The following STX16 variants were observed in gnomAD, a reference collection of about 807,000 sequenced individuals.
STX16 encodes the protein syntaxin-16.
A neutral mutation model predicts 42.7 loss-of-function variants in STX16; 28 were observed. That is an observed-to-expected ratio of 0.66 (90% CI 0.49 to 0.90). STX16 has a LOEUF of 0.90. STX16 is among the 40% of genes least tolerant of loss of function. STX16 has a pLI of 0.00. For missense variants in STX16, 361 were observed against 420.9 expected, an observed-to-expected ratio of 0.86 and a Z score of 1.24; for synonymous variants, 156 against 155.2, an observed-to-expected ratio of 1.00 and a Z score of -0.04.
intron 1 of STX16, among the ~76,000 whole-genome samples, chr20:58,653,768 T>G (rs970432875): frequency 1.3e-5 from 2 of 152,142 alleles, no homozygotes; most frequent in Non-Finnish European, 2.9e-5. Flanking sequence ...TTCTAAGGTA[T>G]CAGTTTTAAT....
rs188308261 is a variant in STX16 at position 58,671,211 on chromosome 20, C to T, written c.706C>T (p.Arg236Trp). 3.8e-5 allele frequency: 62 copies of T among 1,613,940 alleles called. No individual in the cohort carries two copies. The African/African-American group carries it at 4.4e-4, about 11-fold the overall frequency. The change falls in exon 7 of 9, where the codon CGG becomes TGG. Residue 236 changes from arginine to tryptophan, a missense_variant. By Grantham distance (101) the Arg-to-Trp change is moderately radical. Coordinates refer to ENST00000371141, the MANE Select transcript of STX16 (RefSeq NM_001001433.3). ...GCAGAACACACTGATGGTGGAAGAG[C>T]GGGAACGAGAGATTCGCCAGATTGT... ...VEQNTLMVEE[R>W]EREIRQIVQS...
chr20:58,660,518 A>G (rs2083673392), intron 2 of STX16, among the ~76,000 whole-genome samples: 1 of 152,130 alleles, frequency 6.6e-6, no homozygotes, highest in Non-Finnish European at 1.5e-5. Context: ...ACTAGTTGAT[A>G]ATGACAACAG....
intron 5 of STX16, among the ~76,000 whole-genome samples, chr20:58,669,869 A>C (rs1456802129): frequency 1.3e-5 from 2 of 152,210 alleles, no homozygotes; most frequent in Non-Finnish European, 2.9e-5. Context: ...GTTTGAGAGC[A>C]CCTGAGAAAA....
intron 1 of STX16, among the ~76,000 whole-genome samples, chr20:58,656,663 C>G (rs575942304): frequency 6.6e-6 from 1 of 152,268 alleles, no homozygotes; most frequent in South Asian, 2.1e-4. Context: ...TAATTGGAAG[C>G]TAGCGTTAAT....
intron 1 of STX16, 90 bp downstream of exon 1, chr20:58,652,228 AAG>A (rs2083475232): frequency 6.6e-7 from 1 of 1,520,320 alleles, no homozygotes; most frequent in African/African-American, 1.4e-5. Flanking sequence ...TCTGTTTAAA[AAG>A]AGAAGATAAG....
At chr20:58,671,452 GTGTGTGTGTGTGTGTGTGTGTA>G (rs1351988568) in intron 7 of STX16, among the ~76,000 whole-genome samples, 155 bp downstream of exon 7, 137 of 130,626 alleles carry the variant, frequency 1.0e-3, no homozygotes, top group Middle Eastern at 4.3e-3. Flanking sequence ...GTGTGTGTGT[GTGTGTGTGTGTGTGTGTGTGTA>G]TATTAATATT....
chr20:58,663,617 C>T (rs1270702703), intron 2 of STX16, among the ~76,000 whole-genome samples: 1 of 151,478 alleles, frequency 6.6e-6, no homozygotes, highest in Non-Finnish European at 1.5e-5. Context: ...CTCTTAAGTA[C>T]AATTTTTATT....
At chr20:58,674,253 C>A (rs2084050070) in intron 8 of STX16, among the ~76,000 whole-genome samples, 1 of 152,092 alleles carries the variant, frequency 6.6e-6, no homozygotes, top group Admixed American at 6.5e-5. Context: ...TTCTTTTATT[C>A]TGTGCTAATA....
rs1458270571 is a variant in STX16, at chr20:58,671,225, T to A, written c.720T>A (p.Ile240=). Residue 240 remains isoleucine, a synonymous_variant, in exon 7 of 9, where the codon ATT becomes ATA. Coordinates refer to ENST00000371141, the MANE Select transcript of STX16 (RefSeq NM_001001433.3). ...TLMVEERERE[I]RQIVQSISDL... is the part of the protein sequence containing the mutation. The stretch of plus-strand genomic sequence containing the variant: ...TGGTGGAAGAGCGGGAACGAGAGAT[T>A]CGCCAGATTGTACAGTCCATTTCTG... 2 of 1,613,882 alleles carry A rather than the reference T, an allele frequency of 1.2e-6. No homozygotes were observed. The highest frequency in any genetic ancestry group is 1.3e-5 in the African/African-American group (1 of 74,870).
In STX16 at chr20:58,669,406, A is replaced by G. The variant is rs2083917119; in HGVS notation, c.509A>G (p.Gln170Arg). The part of the protein sequence containing the change: ...NVVASLAQAL[Q>R]ELSTSFRHAQ... ...GTGGCCTCGCTGGCGCAGGCCCTGC[A>G]GGAACTCTCCACCAGCTTCCGGCAC... Residue 170 changes from glutamine (Q) to arginine (R), a missense_variant, in exon 5 of 9, where the codon CAG (glutamine) becomes CGG (arginine). Physicochemically the swap from Gln to Arg is conservative, Grantham distance 43. Coordinates refer to ENST00000371141, the MANE Select transcript of STX16 (RefSeq NM_001001433.3). The G allele has an allele frequency of 4.3e-6, 7 of 1,612,454 alleles. No individual in the cohort carries two copies. The highest frequency in any genetic ancestry group is 1.3e-5 in the African/African-American group (1 of 75,016).
intron 1 of STX16, among the ~76,000 whole-genome samples, chr20:58,654,388 G>A (rs543887305): frequency 1.3e-5 from 2 of 152,262 alleles, no homozygotes; most frequent in South Asian, 4.1e-4. Context: ...ATAAATTTCT[G>A]AAGTATTTAG....
chr20:58,669,486 T>G, intron 5 of STX16, 33 bp downstream of exon 5: 1 of 1,577,378 alleles, frequency 6.3e-7, no homozygotes, highest in East Asian at 2.2e-5. Flanking sequence ...GAAGGGATTT[T>G]GAGTAAGAAA....
At chr20:58,671,424 T>TGTA in intron 7 of STX16, 127 bp downstream of exon 7, 1 of 569,996 alleles carries the variant, frequency 1.8e-6, no homozygotes, top group Non-Finnish European at 2.9e-6. Flanking sequence ...CACCTGTCCT[T>TGTA]TATGTGTGTG....
At chr20:58,675,260 G>A (rs1448471827) in intron 8 of STX16, among the ~76,000 whole-genome samples, 1 of 152,186 alleles carries the variant, frequency 6.6e-6, no homozygotes, top group Non-Finnish European at 1.5e-5. Flanking sequence ...CCACCGCGGG[G>A]GATGGAGCAG....
rs1003192085 is a variant in STX16 at position 58,653,787 on chromosome 20, A to G, written c.132+1649A>G. ...AAGGTATCAGTTTTAATTGAAAAAC[A>G]TATTGTTTATTTTTCAATTTTTAAT... On this transcript the variant is annotated intron_variant, in intron 1 of 8. Transcript: ENST00000371141. Among the ~76,000 whole-genome samples, 5 of 152,010 alleles carry G rather than the reference A, an allele frequency of 3.3e-5. No homozygotes were observed. In the South Asian group the frequency reaches 6.2e-4, roughly 19 times the overall value.
chr20:58,675,422 G>T (rs536229594), intron 8 of STX16, among the ~76,000 whole-genome samples: 61 of 152,196 alleles, frequency 4.0e-4, no homozygotes, highest in Non-Finnish European at 5.9e-4. Context: ...TCCTTTCTCA[G>T]TGCTCTGCGT....
intron 1 of STX16, 93 bp downstream of exon 1, chr20:58,652,231 A>G (rs1350451420): frequency 1.3e-6 from 2 of 1,524,480 alleles, no homozygotes; most frequent in African/African-American, 1.4e-5. Context: ...GTTTAAAAAG[A>G]GAAGATAAGA....
At chr20:58,673,855 C>T (rs1002344747) in intron 8 of STX16, 144 bp downstream of exon 8, 3 of 578,804 alleles carry the variant, frequency 5.2e-6, no homozygotes, top group Non-Finnish European at 9.0e-6. Flanking sequence ...AGGGATTCAT[C>T]ATTTCATTTA....
At chr20:58,662,288 G>C (rs1487715111) in intron 2 of STX16, among the ~76,000 whole-genome samples, 1 of 152,238 alleles carries the variant, frequency 6.6e-6, no homozygotes, top group Non-Finnish European at 1.5e-5. Context: ...AATAGGGAGC[G>C]GCGCTCCTCT....
Sources: gnomAD v4.1 joint callset for allele counts (sites outside exome capture counted in the v4.1 genomes callset) on GRCh38, gnomAD v4.1.1 for gene constraint, MANE v1.5 for transcripts, NCBI Gene and HGNC (gene_info 2026-07-23, HGNC 2026-07-21) for gene names.